The following ERI1 variants were observed in gnomAD, a reference collection of about 807,000 sequenced individuals.
ERI1 encodes exoribonuclease 1.
ERI1 carries 39 observed loss-of-function variants against 39.7 expected under a neutral mutation model. The observed-to-expected ratio is 0.98, with a 90% CI of 0.76 to 1.28. The LOEUF is 1.28. Ranked by LOEUF, ERI1 falls within the 50% of genes most tolerant of loss-of-function variation. ERI1 has a pLI of 0.00. For missense variants in ERI1, 581 were observed against 416.9 expected, an observed-to-expected ratio of 1.39 and a Z score of -3.43; for synonymous variants, 204 against 149.6, an observed-to-expected ratio of 1.36 and a Z score of -2.65.
At chr8:9,021,075 C>A (rs1391624809) in intron 6 of ERI1, among the ~76,000 whole-genome samples, 3 of 152,178 alleles carry the variant, frequency 2.0e-5, no homozygotes, top group Admixed American at 2.0e-4. Context: ...TCCTTCCCTT[C>A]CTGCATCTTC....
At chr8:9,096,929 C>T (rs1799894460) in intron 3 of ERI1, 2 of 152,048 alleles carry the variant, frequency 1.3e-5, no homozygotes, top group South Asian at 4.2e-4. Context: ...TTCTTTTCTT[C>T]AATCTCACGC....
chr8:9,067,230 C>T (rs528130453), intron 3 of ERI1, among the ~76,000 whole-genome samples: 1 of 152,218 alleles, frequency 6.6e-6, no homozygotes, highest in South Asian at 2.1e-4. Flanking sequence ...ATGTTATACT[C>T]AAAGACTGTA....
chr8:9,069,980 TG>T (rs532516056), intron 3 of ERI1, among the ~76,000 whole-genome samples: 2,134 of 152,292 alleles, frequency 0.014, 26 homozygotes, highest in Non-Finnish European at 0.022. Flanking sequence ...GGCTCATACC[TG>T]TAATCCCAGC....
intron 3 of ERI1, among the ~76,000 whole-genome samples, chr8:9,050,670 A>G (rs980484369): frequency 6.6e-6 from 1 of 152,216 alleles, no homozygotes; most frequent in African/African-American, 2.4e-5. Context: ...GTATTAATAT[A>G]AAATCTGGGA....
At chr8:9,004,402 A>C (rs1373997149) in intron 1 of ERI1, 2 of 580,610 alleles carry the variant, frequency 3.4e-6, no homozygotes, top group African/African-American at 4.1e-5. Context: ...CAGCTACTTA[A>C]GGCCTAGGTC....
At chr8:9,090,118 A>C (rs146291228) in intron 3 of ERI1, among the ~76,000 whole-genome samples, 1 of 152,176 alleles carries the variant, frequency 6.6e-6, no homozygotes, top group Non-Finnish European at 1.5e-5. Context: ...ACCAAGAGCC[A>C]GTAATGAAAA....
intron 3 of ERI1, among the ~76,000 whole-genome samples, chr8:9,086,214 GAC>G (rs1799521088): frequency 6.6e-6 from 1 of 152,132 alleles, no homozygotes; most frequent in African/African-American, 2.4e-5. Context: ...AGGAGTTCAG[GAC>G]CAGCCTGGAC....
At chr8:9,022,390 T>G (rs1818004676) in intron 6 of ERI1, among the ~76,000 whole-genome samples, 1 of 152,140 alleles carries the variant, frequency 6.6e-6, no homozygotes, top group Non-Finnish European at 1.5e-5. Flanking sequence ...TTGTGTGAAT[T>G]TATTTTGTTT....
chr8:9,048,361 G>A (rs887732335), intron 3 of ERI1: 3 of 154,376 alleles, frequency 1.9e-5, no homozygotes, highest in African/African-American at 7.2e-5. Context: ...ACTGATGTGA[G>A]GGTTCAAGAT....
rs537426478 is a variant in ERI1, at chr8:9,072,813, A to G, written n.300-43535A>G. 8.7e-4 allele frequency among the ~76,000 whole-genome samples: 131 copies of G among 151,200 alleles called. 1 individual carries two copies. The highest frequency in any genetic ancestry group is 3.1e-3 in the African/African-American group (127 of 40,550). ...CAGAAGCAGCCCCAGAGAGAGAAGCAGAGGGTCAGGGTCAGGGTCAGCACC... is the reference window on the plus strand; with the variant it reads ...CAGAAGCAGCCCCAGAGAGAGAAGCGGAGGGTCAGGGTCAGGGTCAGCACC... On this transcript the variant is annotated intron_variant and non_coding_transcript_variant, in intron 3 of 3. Coordinates refer to the ERI1 transcript ENST00000518663.
At chr8:9,098,034 A>G (rs1799933237) in intron 3 of ERI1, among the ~76,000 whole-genome samples, 1 of 152,224 alleles carries the variant, frequency 6.6e-6, no homozygotes, top group South Asian at 2.1e-4. Context: ...AAAACCAAAC[A>G]TCGCATGTTC....
At chr8:9,010,327 GAT>G (rs1491340256) in intron 2 of ERI1, among the ~76,000 whole-genome samples, 2 of 152,116 alleles carry the variant, frequency 1.3e-5, no homozygotes, top group East Asian at 3.9e-4. Context: ...CCAATAAAAA[GAT>G]AAAAAAAGAA....
chr8:9,017,899 G>C (rs942033765), intron 4 of ERI1, among the ~76,000 whole-genome samples: 3 of 152,304 alleles, frequency 2.0e-5, no homozygotes, highest in Middle Eastern at 3.4e-3. Flanking sequence ...TCTGGCAGCA[G>C]TATGTAGTAT....
At chr8:9,005,599 C>G (rs1815914778) in intron 1 of ERI1, among the ~76,000 whole-genome samples, 2 of 151,156 alleles carry the variant, frequency 1.3e-5, no homozygotes, top group African/African-American at 2.4e-5. Context: ...GCTGCAAGCT[C>G]CGCCTCACGG....
At chr8:9,084,169 G>A (rs1030741261) in intron 3 of ERI1, among the ~76,000 whole-genome samples, 6 of 152,132 alleles carry the variant, frequency 3.9e-5, no homozygotes, top group African/African-American at 1.4e-4. Flanking sequence ...GGCTGAGGCA[G>A]GAGGATCACC....
At chr8:9,008,297 A>ATG in intron 2 of ERI1, 149 bp downstream of exon 2, 1 of 715,650 alleles carries the variant, frequency 1.4e-6, no homozygotes, top group Non-Finnish European at 2.1e-6. Context: ...AACATTTTTT[A>ATG]TGTGCAACTC....
intron 6 of ERI1, among the ~76,000 whole-genome samples, chr8:9,022,875 C>G (rs1227780130): frequency 1.3e-5 from 2 of 152,162 alleles, no homozygotes; most frequent in African/African-American, 4.8e-5. Context: ...TTTCCTCTTC[C>G]TTATTATTTT....
Position 9,007,974 on chromosome 8 carries a change from C to T in ERI1, c.113C>T (p.Thr38Ile), listed in dbSNP as rs755573998. The change falls in exon 2 of 7, where the codon ACT (threonine) becomes ATT (isoleucine). Residue 38 changes from threonine (T) to isoleucine (I), a missense_variant. Transcript: ENST00000250263. ...TTTTTTTTTTTTTTTTGGTAGGAAA[C>T]TCAACAGTGTAAATTTGATGGCCAG... Reference protein sequence around the residue: ...EEPPRPSPEETQQCKFDGQET... With the variant: ...EEPPRPSPEEIQQCKFDGQET... The T allele has an allele frequency of 3.1e-5, 21 of 685,250 alleles. No individual in the cohort carries two copies. The highest frequency in any genetic ancestry group is 4.0e-5 in the Non-Finnish European group (18 of 446,832). The allele number at this position is 685,250 out of a possible 1,614,324, so 42.4% of individuals were successfully genotyped here.
chr8:9,058,806 C>CA (rs376725346), intron 3 of ERI1, among the ~76,000 whole-genome samples: 26 of 148,098 alleles, frequency 1.8e-4, no homozygotes, highest in Middle Eastern at 3.4e-3. Context: ...TGAAATAGGC[C>CA]AAAAAAAATA....
Sources: gnomAD v4.1 joint callset for allele counts (sites outside exome capture counted in the v4.1 genomes callset) on GRCh38, gnomAD v4.1.1 for gene constraint, MANE v1.5 for transcripts, NCBI Gene and HGNC (gene_info 2026-07-23, HGNC 2026-07-21) for gene names.